The following TNNI3K variants were observed in gnomAD, a reference collection of about 807,000 sequenced individuals.
The protein encoded by TNNI3K is serine/threonine-protein kinase TNNI3K.
TNNI3K carries 140 observed loss-of-function variants against 114.5 expected under a neutral mutation model. The ratio of observed to expected loss-of-function variants is 1.22; its 90% CI spans 1.07 to 1.41. TNNI3K has a LOEUF of 1.41. Among genes scored for constraint, TNNI3K ranks in the 40% most tolerant of loss-of-function variants. The pLI is 0.00. For missense variants in TNNI3K, 1,125 were observed against 1,007.6 expected (o/e 1.12, Z -1.58); for synonymous variants, 347 against 347.5 (o/e 1.00, Z 0.02).
At chr1:74,391,239 T>C (rs928716868) in intron 17 of TNNI3K, among the ~76,000 whole-genome samples, 5 of 152,196 alleles carry the variant, frequency 3.3e-5, no homozygotes, top group African/African-American at 4.8e-5. Flanking sequence ...GGTTATATTT[T>C]ATTAGATTAA....
chr1:74,442,574 C>A (rs903054824), intron 20 of TNNI3K, among the ~76,000 whole-genome samples: 1 of 152,100 alleles, frequency 6.6e-6, no homozygotes, highest in African/African-American at 2.4e-5. Flanking sequence ...CCGTGTTAGT[C>A]TTCTGCTCAA....
At chr1:74,489,366 C>G (rs1668929839) in intron 22 of TNNI3K, 118 bp downstream of exon 22, 1 of 954,426 alleles carries the variant, frequency 1.0e-6, no homozygotes, top group South Asian at 2.0e-5. Context: ...ATAACTCCAT[C>G]CATATTTGCC....
chr1:74,450,947 C>T (rs1363779716), intron 20 of TNNI3K, among the ~76,000 whole-genome samples: 1 of 152,150 alleles, frequency 6.6e-6, no homozygotes, highest in Admixed American at 6.5e-5. Flanking sequence ...TACAGGCATG[C>T]TTGTGTTCAG....
intron 23 of TNNI3K, among the ~76,000 whole-genome samples, chr1:74,509,589 T>A (rs140528499): frequency 1.3e-5 from 2 of 152,088 alleles, no homozygotes; most frequent in African/African-American, 4.8e-5. Flanking sequence ...GGACAATGAA[T>A]TATGAAATTA....
intron 23 of TNNI3K, among the ~76,000 whole-genome samples, chr1:74,528,604 T>C (rs74095322): frequency 0.041 from 6,270 of 152,256 alleles, 410 homozygotes; most frequent in African/African-American, 0.14. Context: ...TGTCAGAGAA[T>C]GGTGTGAATA....
rs567038770 is a variant in TNNI3K, at chr1:74,470,517, G to C, written c.2121+6967G>C. 27 of 400,576 alleles carry C rather than the reference G, an allele frequency of 6.7e-5. No individual in the cohort carries two copies. In the East Asian group the frequency reaches 8.6e-4, roughly 13 times the overall value. The allele number at this position is 400,576 out of a possible 1,614,324, so 24.8% of individuals were successfully genotyped here. On this transcript the variant is annotated intron_variant, in intron 21 of 24. Coordinates refer to ENST00000326637, the MANE Select transcript of TNNI3K (RefSeq NM_015978.3). The stretch of plus-strand genomic sequence containing the variant: ...TAACAGGAGAAGTACTGATATCCTT[G>C]GGAAGTTCTATTCTATTTTGGTATG...
rs2100894664 is a variant in TNNI3K at position 74,271,670 on chromosome 1, A to G, written c.406A>G (p.Thr136Ala). 2 of 1,609,424 alleles carry G rather than the reference A, an allele frequency of 1.2e-6. No homozygotes were observed. Among genetic ancestry groups the G allele is most frequent in the African/African-American group, 1.3e-5 (1 of 74,808 alleles). The stretch of plus-strand genomic sequence containing the variant: ...ACAGCAGGTTGGATACGGTGGCCTC[A>G]CTGCCCTCCATATTGCTACAATAGC... Reference protein sequence around the residue: ...DIQQVGYGGLTALHIATIAGH... With the variant: ...DIQQVGYGGLAALHIATIAGH... The change falls in exon 5 of 25, where the codon ACT becomes GCT. Residue 136 changes from threonine to alanine, a missense_variant. Transcript: ENST00000326637.
In TNNI3K at chr1:74,294,067, G is replaced by A. The variant is rs553780262; in HGVS notation, c.444+22359G>A. On this transcript the variant is annotated intron_variant, in intron 5 of 24. Transcript: ENST00000326637. ...TTTCTGACATGTCATTTTTATACTCGTTGAATTCAGATTGTTGATGTTTTT... is the reference window on the plus strand; with the variant it reads ...TTTCTGACATGTCATTTTTATACTCATTGAATTCAGATTGTTGATGTTTTT... 9.1e-4 allele frequency among the ~76,000 whole-genome samples: 138 copies of A among 151,318 alleles called. 1 individual carries two copies. Among genetic ancestry groups the A allele is most frequent in the African/African-American group, 3.2e-3 (131 of 41,348 alleles).
intron 6 of TNNI3K, among the ~76,000 whole-genome samples, chr1:74,335,115 TGTCA>T (rs1432811688): frequency 6.6e-6 from 1 of 152,218 alleles, no homozygotes; most frequent in Admixed American, 6.5e-5. Flanking sequence ...AAATACTGTA[TGTCA>T]GTCATTGTGC....
In TNNI3K at chr1:74,370,385, T is replaced by G. The variant is rs1220049160; in HGVS notation, c.1765T>G (p.Leu589Val). ...GACACAGCCAATTATACATCGTGAC[T>G]TGAACAGGTATTTTTTTCCTAAATA... is the stretch of plus-strand genomic sequence containing the variant. ...NLTQPIIHRDLNSHNILLYED... is the reference protein window; with the variant it reads ...NLTQPIIHRDVNSHNILLYED... Residue 589 changes from leucine to valine, a missense_variant, in exon 17 of 25, where the codon TTG becomes GTG. Physicochemically the swap from Leu to Val is conservative, Grantham distance 32. Coordinates refer to ENST00000326637, the MANE Select transcript of TNNI3K (RefSeq NM_015978.3). The G allele has an allele frequency of 6.2e-7, 1 of 1,604,776 alleles. No individual in the cohort carries two copies. Among genetic ancestry groups the G allele is most frequent in the Non-Finnish European group, 8.5e-7 (1 of 1,174,668 alleles).
rs1034808238 is a variant in TNNI3K at position 74,251,402 on chromosome 1, TAATAAC to T, written c.333+637_333+642del. Among the ~76,000 whole-genome samples the T allele has an allele frequency of 3.1e-4, 21 of 68,336 alleles. 1 individual carries two copies. Among genetic ancestry groups the T allele is most frequent in the East Asian group, 2.4e-3 (4 of 1,676 alleles). 44.8% of individuals were successfully genotyped at this position (68,336 alleles called of 152,430 possible). ...TTATGCATTGATCATTTTATAATTA[TAATAAC>T]AATTTCTACTTTGTATTTATTATGA... On this transcript the variant is annotated intron_variant, in intron 4 of 24. Transcript: ENST00000326637.
At position 74,249,492 on chromosome 1, in the gene TNNI3K, T is replaced by G; in HGVS notation, c.183T>G (p.Asn61Lys). ...AAGCCTTCAGTAAAGTCAATTTAAATTACCGCACTGAAAATGGGCTGTCTC... is the reference window on the plus strand; with the variant it reads ...AAGCCTTCAGTAAAGTCAATTTAAAGTACCGCACTGAAAATGGGCTGTCTC... ...SDEAFSKVNL[N>K]YRTENGLSLL... Residue 61 changes from asparagine to lysine, a missense_variant, in exon 3 of 25, where the codon AAT (asparagine) becomes AAG (lysine). By Grantham distance (94) the Asn-to-Lys change is moderately conservative (BLOSUM62 0). Coordinates refer to ENST00000326637, the MANE Select transcript of TNNI3K (RefSeq NM_015978.3). 1 of 1,613,742 alleles carries G rather than the reference T, an allele frequency of 6.2e-7. No homozygotes were observed. The highest frequency in any genetic ancestry group is 8.5e-7 in the Non-Finnish European group (1 of 1,179,816).
intron 19 of TNNI3K, among the ~76,000 whole-genome samples, chr1:74,437,689 C>A (rs1276794259): frequency 6.6e-6 from 1 of 151,758 alleles, no homozygotes; most frequent in Admixed American, 6.6e-5. Context: ...GAGGTGGGAA[C>A]AATAAGTGAT....
chr1:74,328,887 A>G (rs1660053862), intron 5 of TNNI3K, among the ~76,000 whole-genome samples: 1 of 152,114 alleles, frequency 6.6e-6, no homozygotes. Context: ...TGCTATATTT[A>G]AAATAAGAGG....
intron 23 of TNNI3K, among the ~76,000 whole-genome samples, chr1:74,538,760 T>G (rs1646691128): frequency 6.6e-6 from 1 of 152,068 alleles, no homozygotes. Context: ...TTGCGTTTAT[T>G]AAGAAGAGCA....
At chr1:74,426,506 T>G (rs1042006101) in intron 17 of TNNI3K, among the ~76,000 whole-genome samples, 4 of 151,986 alleles carry the variant, frequency 2.6e-5, no homozygotes, top group East Asian at 1.9e-4. Flanking sequence ...GCTTGACACA[T>G]GTACACCTAC....
At chr1:74,315,258 C>A (rs928058955) in intron 5 of TNNI3K, among the ~76,000 whole-genome samples, 3 of 152,016 alleles carry the variant, frequency 2.0e-5, no homozygotes, top group Non-Finnish European at 2.9e-5. Context: ...AGTGAAGATT[C>A]CATTATTAGT....
At chr1:74,503,919 C>T (rs1334792532) in intron 23 of TNNI3K, among the ~76,000 whole-genome samples, 1 of 152,088 alleles carries the variant, frequency 6.6e-6, no homozygotes, top group African/African-American at 2.4e-5. Context: ...TCATTATGTT[C>T]CTGAATGCCA....
chr1:74,252,819 CAA>C (rs1373160404), intron 4 of TNNI3K, among the ~76,000 whole-genome samples: 1 of 152,148 alleles, frequency 6.6e-6, no homozygotes, highest in Non-Finnish European at 1.5e-5. Flanking sequence ...AGTGTGGACC[CAA>C]AGAGTGAGCA....
Sources: allele counts gnomAD v4.1 joint callset (sites outside exome capture counted in the v4.1 genomes callset), GRCh38; gene constraint gnomAD v4.1.1; transcripts MANE v1.5; gene names NCBI Gene and HGNC (gene_info 2026-07-23, HGNC 2026-07-21).